The following MACROD2 variants were observed in gnomAD, a reference collection of about 807,000 sequenced individuals.
MACROD2 encodes the protein mono-ADP ribosylhydrolase 2, also known as ADP-ribose glycohydrolase MACROD2.
In MACROD2, 36 loss-of-function variants were observed where a neutral mutation model predicts 70.4. That is an observed-to-expected ratio of 0.51 (90% CI 0.39 to 0.68). The LOEUF is 0.68. Ranked by LOEUF, MACROD2 falls within the 30% of genes least tolerant of loss-of-function variation. The pLI, the probability that MACROD2 is intolerant of heterozygous loss-of-function variation, is 0.00. For missense variants in MACROD2, 496 were observed against 538.4 expected, an observed-to-expected ratio of 0.92 and a Z score of 0.78; for synonymous variants, 172 against 178.8, an observed-to-expected ratio of 0.96 and a Z score of 0.30.
rs11467236 is a variant in MACROD2, at chr20:14,515,465, G to GCACA, written c.301+21987_301+21990dup. Among the ~76,000 whole-genome samples the GCACA allele has an allele frequency of 1.7e-3, 215 of 127,164 alleles. No individual in the cohort carries two copies. In the East Asian group the frequency reaches 0.017, roughly 10 times the overall value. The allele number at this position is 127,164 out of a possible 152,430, so 83.4% of individuals were successfully genotyped here. A position where few individuals can be genotyped will look rare whatever the true frequency, so the allele number is the denominator to read the frequency against. ...AAGAATATGTGAGATACACACACAC[G>GCACA]CACACACACACACACACACACACAC... On this transcript the variant is annotated intron_variant, in intron 4 of 17. Coordinates refer to ENST00000684519, the MANE Select transcript of MACROD2 (RefSeq NM_001351661.2).
intron 13 of MACROD2, among the ~76,000 whole-genome samples, chr20:15,981,949 A>G (rs1268796715): frequency 6.6e-6 from 1 of 151,908 alleles, no homozygotes; most frequent in African/African-American, 2.4e-5. Context: ...CACATTTTAC[A>G]TAAATATGAT....
At chr20:14,601,086 A>AAT (rs377022195) in intron 4 of MACROD2, among the ~76,000 whole-genome samples, 1,880 of 151,712 alleles carry the variant, frequency 0.012, 40 homozygotes, top group African/African-American at 0.041. Context: ...TAAATCACAT[A>AAT]ATATATATAT....
chr20:14,549,927 T>TA (rs1282471549), intron 4 of MACROD2, among the ~76,000 whole-genome samples: 3 of 151,908 alleles, frequency 2.0e-5, no homozygotes, highest in African/African-American at 7.3e-5. Flanking sequence ...TCATATGAAT[T>TA]ACACCTTTTT....
intron 8 of MACROD2, among the ~76,000 whole-genome samples, chr20:15,715,968 G>C (rs1166898211): frequency 6.6e-6 from 1 of 152,042 alleles, no homozygotes; most frequent in Non-Finnish European, 1.5e-5. Flanking sequence ...TTCTTTAAAA[G>C]TACTACCCCT....
chr20:15,812,642 T>C (rs2063833210), intron 8 of MACROD2, among the ~76,000 whole-genome samples: 1 of 152,218 alleles, frequency 6.6e-6, no homozygotes, highest in South Asian at 2.1e-4. Context: ...GCCTGTTCAT[T>C]TTCCACAGAT....
intron 5 of MACROD2, among the ~76,000 whole-genome samples, chr20:14,874,653 A>T (rs1440783269): frequency 6.6e-6 from 1 of 151,360 alleles, no homozygotes; most frequent in African/African-American, 2.4e-5. Flanking sequence ...TGGTCCAATA[A>T]CATGAACAAA....
Position 14,788,580 on chromosome 20 carries a change from C to CAAA in MACROD2, c.418+103639_418+103641dup, listed in dbSNP as rs11477973. Among the ~76,000 whole-genome samples, 72 of 73,258 alleles carry CAAA rather than the reference C, an allele frequency of 9.8e-4. 1 individual carries two copies. Among genetic ancestry groups the CAAA allele is most frequent in the African/African-American group, 2.0e-3 (36 of 17,938 alleles). The allele number at this position is 73,258 out of a possible 152,430, so 48.1% of individuals were successfully genotyped here. On this transcript the variant is annotated intron_variant, in intron 5 of 17. Coordinates refer to ENST00000684519, the MANE Select transcript of MACROD2 (RefSeq NM_001351661.2). ...GGGCAACCAAAGTGAGATCACATCT[C>CAAA]AAAAAAAAAAAAAAAAAAAAGACTT...
intron 7 of MACROD2, among the ~76,000 whole-genome samples, chr20:15,444,325 T>C (rs2046534158): frequency 6.6e-6 from 1 of 152,214 alleles, no homozygotes; most frequent in Non-Finnish European, 1.5e-5. Flanking sequence ...TGTTTCTACT[T>C]TTTGGCTGTT....
intron 13 of MACROD2, among the ~76,000 whole-genome samples, chr20:15,969,126 G>A (rs924671357): frequency 6.6e-6 from 1 of 152,002 alleles, no homozygotes; most frequent in African/African-American, 2.4e-5. Context: ...TAGATTGGCG[G>A]TGGACTGCTT....
intron 3 of MACROD2, among the ~76,000 whole-genome samples, chr20:14,265,240 C>G (rs1472615411): frequency 6.6e-6 from 1 of 152,160 alleles, no homozygotes; most frequent in Non-Finnish European, 1.5e-5. Flanking sequence ...TCAGCTGATT[C>G]TTTCTACATT....
chr20:15,526,029 GTTTTTC>G (rs2047717018), intron 8 of MACROD2, among the ~76,000 whole-genome samples: 1 of 152,136 alleles, frequency 6.6e-6, no homozygotes, highest in African/African-American at 2.4e-5. Flanking sequence ...ATAAAAAGAT[GTTTTTC>G]TTTAAGTTTT....
At chr20:14,666,628 T>G (rs1249111636) in intron 4 of MACROD2, among the ~76,000 whole-genome samples, 2 of 152,196 alleles carry the variant, frequency 1.3e-5, no homozygotes, top group East Asian at 3.9e-4. Flanking sequence ...CACAGCTAAG[T>G]CCAAACACTG....
intron 6 of MACROD2, among the ~76,000 whole-genome samples, chr20:15,249,818 C>T (rs994873740): frequency 6.6e-6 from 1 of 152,164 alleles, no homozygotes; most frequent in African/African-American, 2.4e-5. Context: ...AGGGGCCGAG[C>T]TGGTTCAAAG....
intron 6 of MACROD2, among the ~76,000 whole-genome samples, chr20:15,378,541 G>A (rs2045598154): frequency 6.6e-6 from 1 of 151,994 alleles, no homozygotes. Flanking sequence ...ATTTATTTGT[G>A]CTCCAATAAA....
chr20:14,895,738 T>C (rs1276113018), intron 5 of MACROD2, among the ~76,000 whole-genome samples: 1 of 152,120 alleles, frequency 6.6e-6, no homozygotes, highest in African/African-American at 2.4e-5. Flanking sequence ...AAGATAAAAA[T>C]ATTATCATCC....
At chr20:14,693,480 T>C (rs528746671) in intron 5 of MACROD2, among the ~76,000 whole-genome samples, 3 of 152,132 alleles carry the variant, frequency 2.0e-5, no homozygotes, top group Non-Finnish European at 2.9e-5. Context: ...ATTTTTTTTC[T>C]CCCTGTGTTA....
At chr20:14,027,832 G>A (rs1291069754) in intron 2 of MACROD2, among the ~76,000 whole-genome samples, 1 of 152,184 alleles carries the variant, frequency 6.6e-6, no homozygotes, top group Non-Finnish European at 1.5e-5. Flanking sequence ...GAGCTCTCCT[G>A]TATGAGGTGT....
chr20:15,091,324 T>A (rs765551208), intron 5 of MACROD2, among the ~76,000 whole-genome samples: 4 of 151,018 alleles, frequency 2.6e-5, no homozygotes, highest in Non-Finnish European at 5.9e-5. Context: ...ACAAAAAGGT[T>A]AGGGAAGGAC....
chr20:14,681,053 AT>A (rs1483271890), intron 4 of MACROD2, among the ~76,000 whole-genome samples: 3 of 152,168 alleles, frequency 2.0e-5, no homozygotes, highest in African/African-American at 7.2e-5. Context: ...ATCTAGCATT[AT>A]TAATTATCAG....
Sources: gnomAD v4.1 joint callset for allele counts (sites outside exome capture counted in the v4.1 genomes callset) on GRCh38, gnomAD v4.1.1 for gene constraint, MANE v1.5 for transcripts, NCBI Gene and HGNC (gene_info 2026-07-23, HGNC 2026-07-21) for gene names.